Variants in TNFRSF10A observed in about 807,000 individuals in gnomAD.
TNFRSF10A encodes the protein TNF receptor superfamily member 10a.
TNFRSF10A carries 44 observed loss-of-function variants against 42.8 expected under a neutral mutation model. That is an observed-to-expected ratio of 1.03 (90% confidence interval 0.81 to 1.32). The LOEUF (loss-of-function observed/expected upper bound fraction) is 1.32. TNFRSF10A is among the 40% of genes most tolerant of loss of function. The pLI, the probability that TNFRSF10A is intolerant of heterozygous loss-of-function variation, is 0.00. For missense variants in TNFRSF10A, 680 were observed against 602.0 expected (o/e 1.13, Z -1.36); for synonymous variants, 259 against 234.2 (o/e 1.11, Z -0.97).
chr8:23,207,178 A>ACAC (rs1801027324), intron 2 of TNFRSF10A: 1 of 599,710 alleles, frequency 1.7e-6, no homozygotes, highest in Non-Finnish European at 3.2e-6. Context: ...GACGACAACA[A>ACAC]CACACTTGTG....
chr8:23,224,458 C>A, intron 1 of TNFRSF10A: 1 of 441,130 alleles, frequency 2.3e-6, no homozygotes, highest in East Asian at 4.8e-5. Flanking sequence ...TCCGAAACTT[C>A]CCGATACATC....
At chr8:23,215,253 A>G (rs1801161080) in intron 1 of TNFRSF10A, among the ~76,000 whole-genome samples, 1 of 152,214 alleles carries the variant, frequency 6.6e-6, no homozygotes. Context: ...GCCGTGGCTC[A>G]CGCCTGTAAT....
At chr8:23,197,347 TC>T in intron 8 of TNFRSF10A, 143 bp from the exon 9 acceptor site, 3 of 922,614 alleles carry the variant, frequency 3.3e-6, no homozygotes, top group African/African-American at 1.6e-5. Context: ...AAACCTCTGG[TC>T]CCACATAGCT....
chr8:23,215,075 T>C (rs779995702), intron 1 of TNFRSF10A, among the ~76,000 whole-genome samples: 1 of 152,188 alleles, frequency 6.6e-6, no homozygotes, highest in Non-Finnish European at 1.5e-5. Context: ...TCCTTATTTG[T>C]TGGAAATATC....
chr8:23,204,473 T>C (rs1800978057), intron 2 of TNFRSF10A, among the ~76,000 whole-genome samples: 1 of 152,216 alleles, frequency 6.6e-6, no homozygotes, highest in Non-Finnish European at 1.5e-5. Context: ...TTCCTTAACC[T>C]ATAGGAATTC....
intron 2 of TNFRSF10A, among the ~76,000 whole-genome samples, chr8:23,206,324 G>T (rs1009277680): frequency 1.3e-5 from 2 of 152,164 alleles, no homozygotes; most frequent in African/African-American, 4.8e-5. Flanking sequence ...AATGTCCCAG[G>T]CCTTCACATT....
At chr8:23,223,602 A>G (rs1801287176) in intron 1 of TNFRSF10A, among the ~76,000 whole-genome samples, 2 of 152,374 alleles carry the variant, frequency 1.3e-5, no homozygotes, top group Non-Finnish European at 2.9e-5. Flanking sequence ...TCAAAATGCT[A>G]TTGGATTCCT....
rs767579199 is a variant in TNFRSF10A, at chr8:23,202,546, C to A, written c.517+102G>T. 30 of 859,774 alleles carry A rather than the reference C, an allele frequency of 3.5e-5. 1 individual carries two copies. The South Asian group carries it at 4.1e-4, about 12-fold the overall frequency. The allele number at this position is 859,774 out of a possible 1,614,324, so 53.3% of individuals were successfully genotyped here. On this transcript the variant is annotated intron_variant, in intron 3 of 9. Transcript: ENST00000221132. The stretch of plus-strand genomic sequence containing the variant: ...ACCATGGAACAGGGTATGATGAAGA[C>A]CAAGTTGGGCTGGAACTTGGTTCCC...
intron 1 of TNFRSF10A, among the ~76,000 whole-genome samples, chr8:23,222,932 T>G (rs1355084301): frequency 6.6e-6 from 1 of 152,110 alleles, no homozygotes; most frequent in African/African-American, 2.4e-5. Flanking sequence ...CAGCTGTCCT[T>G]CCCCTTCACC....
At position 23,191,978 on chromosome 8, in the gene TNFRSF10A, C is replaced by G. The variant is rs777239727; in HGVS notation, c.1123G>C (p.Val375Leu). ...AGCTGGTCCCAGGAGTCAAAGGGCA[C>G]GATGTTTGCAAACTTGTCAAAGAAC... ...MLFFDKFANIVPFDSWDQLMR... is the reference protein window; with the variant it reads ...MLFFDKFANILPFDSWDQLMR... The change falls in exon 10 of 10, where the codon GTG (valine) becomes CTG (leucine). Residue 375 changes from valine (V) to leucine (L), a missense_variant. Transcript: ENST00000221132. The G allele has an allele frequency of 2.5e-6, 4 of 1,613,968 alleles. No individual in the cohort carries two copies. Among genetic ancestry groups the G allele is most frequent in the Admixed American group, 3.3e-5 (2 of 60,000 alleles).
At chr8:23,197,895 C>T (rs2128847071) in intron 8 of TNFRSF10A, among the ~76,000 whole-genome samples, 1 of 152,324 alleles carries the variant, frequency 6.6e-6, no homozygotes, top group South Asian at 2.1e-4. Flanking sequence ...GTGGAGGATG[C>T]TCTCTTTACT....
chr8:23,206,416 A>G (rs1439892953), intron 2 of TNFRSF10A, among the ~76,000 whole-genome samples: 1 of 152,204 alleles, frequency 6.6e-6, no homozygotes, highest in East Asian at 1.9e-4. Context: ...CAACTACATC[A>G]TCTTTTTTAA....
intron 2 of TNFRSF10A, among the ~76,000 whole-genome samples, chr8:23,209,534 G>A (rs910797265): frequency 6.6e-6 from 1 of 152,234 alleles, no homozygotes; most frequent in Non-Finnish European, 1.5e-5. Context: ...AAGACTATGG[G>A]AACCCGCCTC....
rs191248962 is a variant in TNFRSF10A, at chr8:23,214,022, T to A, written c.307-1810A>T. Among the ~76,000 whole-genome samples, 33 of 152,118 alleles carry A rather than the reference T, an allele frequency of 2.2e-4. No individual in the cohort carries two copies. In the East Asian group the frequency reaches 6.3e-3, roughly 29 times the overall value. ...TTCTGAGATTTTAGTGTGCCTGTCATCTGTCTCAAGATATTTTCTTTCTTT... is the reference window on the plus strand; with the variant it reads ...TTCTGAGATTTTAGTGTGCCTGTCAACTGTCTCAAGATATTTTCTTTCTTT... On this transcript the variant is annotated intron_variant, in intron 1 of 9. Transcript: ENST00000221132.
rs142478981 is a variant in TNFRSF10A at position 23,191,236 on chromosome 8, G to A, written c.*458C>T. The stretch of plus-strand genomic sequence containing the variant: ...TGACCACCATGATAAGGAAACACAC[G>A]GAGGCCAGCTCAGGGGAGAACCAGA... On this transcript the variant is annotated 3_prime_UTR_variant, in exon 10 of 10. Coordinates refer to ENST00000221132, the MANE Select transcript of TNFRSF10A (RefSeq NM_003844.4). 1,493 of 164,022 alleles carry A rather than the reference G, an allele frequency of 9.1e-3. 27 individuals carry two copies. Among genetic ancestry groups the A allele is most frequent in the African/African-American group, 0.034 (1,430 of 41,756 alleles). The allele number at this position is 164,022 out of a possible 1,614,324, so 10.2% of individuals were successfully genotyped here. A position where few individuals can be genotyped will look rare whatever the true frequency, so the allele number is the denominator to read the frequency against.
intron 9 of TNFRSF10A, among the ~76,000 whole-genome samples, chr8:23,194,281 A>T (rs1465259798): frequency 6.6e-6 from 1 of 152,248 alleles, no homozygotes; most frequent in Non-Finnish European, 1.5e-5. Context: ...ACTTATAAGT[A>T]AAAGAGTACT....
intron 2 of TNFRSF10A, among the ~76,000 whole-genome samples, chr8:23,209,498 G>C (rs1801063738): frequency 6.6e-6 from 1 of 152,348 alleles, no homozygotes; most frequent in East Asian, 1.9e-4. Flanking sequence ...GCTATACCTT[G>C]CAATGCCACA....
intron 9 of TNFRSF10A, among the ~76,000 whole-genome samples, chr8:23,196,105 C>G (rs1292753731): frequency 6.6e-6 from 1 of 152,154 alleles, no homozygotes; most frequent in Non-Finnish European, 1.5e-5. Context: ...CTGAAACTTA[C>G]AAATCACTAC....
chr8:23,219,510 A>C (rs1471649128), intron 1 of TNFRSF10A, among the ~76,000 whole-genome samples: 1 of 152,142 alleles, frequency 6.6e-6, no homozygotes, highest in East Asian at 1.9e-4. Flanking sequence ...ACAGAAGGGG[A>C]GACCAAAAAT....
Sources: allele counts gnomAD v4.1 joint callset (sites outside exome capture counted in the v4.1 genomes callset), GRCh38; gene constraint gnomAD v4.1.1; transcripts MANE v1.5; gene names NCBI Gene and HGNC (gene_info 2026-07-23, HGNC 2026-07-21).